FIRRM: variants seen among roughly 807,000 people sequenced by gnomAD.
FIRRM encodes FIGNL1-interacting regulator of recombination and mitosis.
chr1:169,840,700 T>C, the FIRRM span, among the ~76,000 whole-genome samples: 7 of 151,940 alleles, frequency 4.6e-5, no homozygotes, highest in East Asian at 1.4e-3. Context: ...TTAGTAGAGA[T>C]GGGGTCTCAC....
chr1:169,788,037 C>G, the FIRRM span, among the ~76,000 whole-genome samples: 1 of 152,216 alleles, frequency 6.6e-6, no homozygotes, highest in Non-Finnish European at 1.5e-5. Context: ...TTCCCCCTAT[C>G]ATGGGGCTGA....
the FIRRM span, chr1:169,852,841 T>C: frequency 6.2e-6 from 10 of 1,614,020 alleles, no homozygotes; most frequent in Non-Finnish European, 8.5e-6. Context: ...AGAGTACAGG[T>C]CAGCGCTGCA....
chr1:169,849,441 T>C, the FIRRM span: 32 of 1,306,974 alleles, frequency 2.4e-5, no homozygotes, highest in African/African-American at 4.0e-4. Flanking sequence ...TGTATGGCTA[T>C]TTTATGATTA....
the FIRRM span, among the ~76,000 whole-genome samples, chr1:169,804,843 T>G: frequency 2.0e-5 from 3 of 152,196 alleles, no homozygotes; most frequent in South Asian, 6.2e-4. Flanking sequence ...CCACCACACC[T>G]GGCTAATTTT....
At chr1:169,829,512 G>T in the FIRRM span, 4 of 1,446,802 alleles carry the variant, frequency 2.8e-6, no homozygotes, top group Admixed American at 4.4e-5. Flanking sequence ...CATTGAAATT[G>T]TGATTCATAT....
At chr1:169,822,271 G>A in the FIRRM span, among the ~76,000 whole-genome samples, 52 of 152,320 alleles carry the variant, frequency 3.4e-4, no homozygotes, top group Middle Eastern at 0.014. Flanking sequence ...CAATTTGGAT[G>A]GCAGTGTATC....
At chr1:169,835,954 G>C in the FIRRM span, among the ~76,000 whole-genome samples, 1 of 152,046 alleles carries the variant, frequency 6.6e-6, no homozygotes, top group South Asian at 2.1e-4. Flanking sequence ...ATAGCCACAT[G>C]ATTTCTAGCT....
the FIRRM span, chr1:169,821,781 CTTTA>C: frequency 6.7e-7 from 1 of 1,485,648 alleles, no homozygotes; most frequent in Non-Finnish European, 9.3e-7. Flanking sequence ...TTATACGTTA[CTTTA>C]TTTAATTGTA....
At chr1:169,791,396 T>C in the FIRRM span, among the ~76,000 whole-genome samples, 5 of 152,226 alleles carry the variant, frequency 3.3e-5, no homozygotes, top group Admixed American at 6.5e-5. Flanking sequence ...AACTATGACT[T>C]TCATCTTAGC....
the FIRRM span, chr1:169,793,837 A>G: frequency 1.6e-6 from 1 of 638,066 alleles, no homozygotes; most frequent in Non-Finnish European, 2.5e-6. Context: ...CATGGTAACA[A>G]ATATTTAGAG....
At chr1:169,851,832 G>A in the FIRRM span, 5 of 1,613,920 alleles carry the variant, frequency 3.1e-6, no homozygotes, top group Non-Finnish European at 4.2e-6. Flanking sequence ...GTTTGTAGAT[G>A]AAACTGAAGC....
the FIRRM span, among the ~76,000 whole-genome samples, chr1:169,786,697 T>C: frequency 1.3e-5 from 2 of 152,216 alleles, no homozygotes; most frequent in Non-Finnish European, 2.9e-5. Context: ...AATTTTGAGC[T>C]CTAGGACATT....
chr1:169,829,264 A>G, the FIRRM span: 1 of 1,555,378 alleles, frequency 6.4e-7, no homozygotes, highest in Non-Finnish European at 8.7e-7. Flanking sequence ...TCCCTGCAGG[A>G]TATCTCTACT....
At chr1:169,824,404 T>C in the FIRRM span, among the ~76,000 whole-genome samples, 2 of 152,226 alleles carry the variant, frequency 1.3e-5, no homozygotes, top group South Asian at 2.1e-4. Context: ...CTCATGAGTA[T>C]ACAAATATGC....
chr1:169,808,222 G>C, the FIRRM span, among the ~76,000 whole-genome samples: 1 of 152,158 alleles, frequency 6.6e-6, no homozygotes, highest in Non-Finnish European at 1.5e-5. Flanking sequence ...TTTTCTGCAT[G>C]AGAACAAAAA....
the FIRRM span, chr1:169,853,120 G>A: frequency 1.2e-6 from 1 of 850,170 alleles, no homozygotes; most frequent in Middle Eastern, 3.6e-4. Context: ...TTGACATTTA[G>A]AGAACAGGAT....
chr1:169,801,272 C>G, the FIRRM span, among the ~76,000 whole-genome samples: 1 of 151,686 alleles, frequency 6.6e-6, no homozygotes, highest in Admixed American at 6.6e-5. Flanking sequence ...GATGAAACCT[C>G]GTCTCTACTA....
the FIRRM span, chr1:169,826,955 T>C: frequency 9.1e-7 from 1 of 1,101,320 alleles, no homozygotes; most frequent in Non-Finnish European, 1.3e-6. Context: ...GTTTTTAATA[T>C]ATTTTTACTA....
the FIRRM span, chr1:169,800,944 G>A: frequency 3.1e-6 from 5 of 1,596,534 alleles, no homozygotes; most frequent in Admixed American, 3.4e-5. Context: ...CATTGGAACA[G>A]ACTTTCTTTT....
Sources: gnomAD v4.1 joint callset for allele counts (sites outside exome capture counted in the v4.1 genomes callset) on GRCh38, gnomAD v4.1.1 for gene constraint, MANE v1.5 for transcripts, NCBI Gene and HGNC (gene_info 2026-07-23, HGNC 2026-07-21) for gene names.